The following COL16A1 variants were observed in gnomAD, a reference collection of about 807,000 sequenced individuals.
The protein encoded by COL16A1 is collagen type XVI alpha 1 chain.
Under a neutral mutation model 266.3 loss-of-function variants are expected in COL16A1, and 189 were observed. The observed-to-expected ratio is 0.71, with a 90% confidence interval of 0.63 to 0.80. The LOEUF (loss-of-function observed/expected upper bound fraction) is 0.80, where lower values mean the gene tolerates loss of function less well. Among genes scored for constraint, COL16A1 ranks in the 30% least tolerant of loss-of-function variants. COL16A1 has a pLI of 0.00. For synonymous variants in COL16A1, 740 were observed against 782.3 expected, an observed-to-expected ratio of 0.95 and a Z score of 0.90; for missense variants, 1,928 against 2,122.4, an observed-to-expected ratio of 0.91 and a Z score of 1.80.
At chr1:31,671,555 C>CT in intron 48 of COL16A1, 60 bp downstream of exon 48, 1 of 1,608,490 alleles carries the variant, frequency 6.2e-7, no homozygotes, top group Non-Finnish European at 8.5e-7. Flanking sequence ...GGGATGGTGT[C>CT]TGAGTGTAAT....
chr1:31,652,553 C>CAA lies in COL16A1; in HGVS notation c.*96_*97dup. The CAA allele has an allele frequency of 3.9e-6, 5 of 1,267,548 alleles. No individual in the cohort carries two copies. The highest frequency in any genetic ancestry group is 3.0e-5 in the Admixed American group (1 of 33,170). 78.5% of individuals were successfully genotyped at this position (1,267,548 alleles called of 1,614,324 possible). ...TATTAACAGCAATTAAAAACAACAA[C>CAA]AACAACAAAAAAAACATTCACAACC... On this transcript the variant is annotated 3_prime_UTR_variant, in exon 71 of 71. Coordinates refer to ENST00000373672, the MANE Select transcript of COL16A1 (RefSeq NM_001856.4). This position sits in a 1 kb window ranked among gnomAD's most constrained non-coding sequence, Gnocchi z 4.8.
At chr1:31,676,460 T>C (rs1570460751) in intron 42 of COL16A1, among the ~76,000 whole-genome samples, 1 of 152,118 alleles carries the variant, frequency 6.6e-6, no homozygotes, top group Non-Finnish European at 1.5e-5. Flanking sequence ...TCTAGCATCA[T>C]TCCTCAACAG....
chr1:31,688,199 A>C lies in COL16A1; in HGVS notation c.1803+268T>G, dbSNP rs1168435500. Among the ~76,000 whole-genome samples, 10 of 152,222 alleles carry C rather than the reference A, an allele frequency of 6.6e-5. 1 individual carries two copies. The highest frequency in any genetic ancestry group is 6.5e-4 in the Admixed American group (10 of 15,288). On this transcript the variant is annotated intron_variant, in intron 26 of 70. Transcript: ENST00000373672. This position sits in a 1 kb window ranked among gnomAD's most constrained non-coding sequence, Gnocchi z 4.9. ...CATAAGCAATAAAGAAGTGTTACAT[A>C]TTATAAATATAATAAGGTAATCTTG...
chr1:31,655,837 A>C, intron 66 of COL16A1: 1 of 347,210 alleles, frequency 2.9e-6, no homozygotes. Context: ...ACCAGACCTC[A>C]CTGGTGATGA....
At chr1:31,681,861 G>C (rs967568294) in intron 37 of COL16A1, among the ~76,000 whole-genome samples, 3 of 152,248 alleles carry the variant, frequency 2.0e-5, no homozygotes, top group African/African-American at 7.2e-5. Context: ...AGGAACCCTG[G>C]CTGTCCAGCT....
At position 31,660,469 on chromosome 1, in the gene COL16A1, C is replaced by G. The variant is rs11807560; in HGVS notation, c.3879+116G>C. ...AGAAGGAGTGGCCCCCGTGCTCCCA[C>G]GGCTGGGGCAGCCCCTATGGCAAGT... On this transcript the variant is annotated intron_variant, in intron 62 of 70. Transcript: ENST00000373672. 4 of 1,411,074 alleles carry G rather than the reference C, an allele frequency of 2.8e-6. No individual in the cohort carries two copies. In the South Asian group the frequency reaches 5.7e-5, roughly 20 times the overall value. 87.4% of individuals were successfully genotyped at this position (1,411,074 alleles called of 1,614,324 possible). A position where few individuals can be genotyped will look rare whatever the true frequency, so the allele number is the denominator to read the frequency against.
chr1:31,680,003 C>CT (rs781521950), intron 40 of COL16A1, 39 bp downstream of exon 40: 1 of 1,611,028 alleles, frequency 6.2e-7, no homozygotes, highest in East Asian at 2.2e-5. Flanking sequence ...AGCTGGTCCT[C>CT]TCCCCCAGTT....
Position 31,679,684 on chromosome 1 carries a change from C to A in COL16A1, c.2720G>T (p.Gly907Val), listed in dbSNP as rs1451706696. Residue 907 changes from glycine to valine, a missense_variant and splice_region_variant, in exon 42 of 71, where the codon GGT (glycine) becomes GTT (valine). Gly to Val is a moderately radical substitution (Grantham distance 109). Around this residue, in one of 2 missense-constraint regions of COL16A1, gnomAD observed 1,552 missense variants for 1,637.2 expected, o/e 0.95. Coordinates refer to ENST00000373672, the MANE Select transcript of COL16A1 (RefSeq NM_001856.4). ...MGSSWQPGPQ[G>V]PPGIPGPPGP... Reference sequence around the variant, plus strand: ...TGGTGGTCCGGGAATACCTGGTGGACCCTGAGGGAGAGAGAAAAGAGTCAG... The same window carrying A: ...TGGTGGTCCGGGAATACCTGGTGGAACCTGAGGGAGAGAGAAAAGAGTCAG... The A allele has an allele frequency of 1.9e-6, 3 of 1,614,040 alleles. No homozygotes were observed. The highest frequency in any genetic ancestry group is 2.5e-6 in the Non-Finnish European group (3 of 1,180,008).
chr1:31,675,339 TG>T (rs1643096337), intron 42 of COL16A1, 28 bp from the exon 43 acceptor site: 2 of 1,611,202 alleles, frequency 1.2e-6, no homozygotes, highest in Non-Finnish European at 1.7e-6. Context: ...CACGAGTGAG[TG>T]GGCTCCATCT....
intron 19 of COL16A1, 23 bp from the exon 20 acceptor site, chr1:31,691,249 G>T (rs375353929): frequency 1.2e-6 from 2 of 1,613,070 alleles, no homozygotes; most frequent in African/African-American, 2.7e-5. Context: ...ACAGAGTCAC[G>T]TGGAAGTTTC....
At chr1:31,686,218 G>A in intron 27 of COL16A1, 26 bp downstream of exon 27, 1 of 1,614,158 alleles carries the variant, frequency 6.2e-7, no homozygotes. Context: ...CCTCTCCCAA[G>A]CTGTTGCCAT....
Position 31,691,578 on chromosome 1 carries a change from C to T in COL16A1, c.1302+20G>A. 1 of 1,613,968 alleles carries T rather than the reference C, an allele frequency of 6.2e-7. No individual in the cohort carries two copies. Among genetic ancestry groups the T allele is most frequent in the Non-Finnish European group, 8.5e-7 (1 of 1,179,992 alleles). On this transcript the variant is annotated intron_variant, in intron 18 of 70. Transcript: ENST00000373672. ...CAGCCCTGCCACCCCATCTCCACCC[C>T]ACAAACATCCACAACTCACCTTCTG...
chr1:31,662,877 C>T, intron 56 of COL16A1: 1 of 598,926 alleles, frequency 1.7e-6, no homozygotes. Flanking sequence ...CCTTTCCTTG[C>T]TGCCCCATGA....
At position 31,668,417 on chromosome 1, in the gene COL16A1, A is replaced by AGGCGAACCCCAGCCTGGCCC. The variant is rs1056925230; in HGVS notation, c.3250-219_3250-200dup. ...CCACCACCACAGACCTGGGCTGGGG[A>AGGCGAACCCCAGCCTGGCCC]GGCGAACCCCAGCCTGGCCCAGACC... On this transcript the variant is annotated intron_variant, in intron 50 of 70. Coordinates refer to ENST00000373672, the MANE Select transcript of COL16A1 (RefSeq NM_001856.4). The surrounding 1 kb of genome is among the most constrained non-coding windows in gnomAD (Gnocchi z 5.8). 6.6e-6 allele frequency among the ~76,000 whole-genome samples: 1 copy of AGGCGAACCCCAGCCTGGCCC among 151,940 alleles called. No homozygotes were observed. The highest frequency in any genetic ancestry group is 2.4e-5 in the African/African-American group (1 of 41,344).
rs1557630599 is a variant in COL16A1 at position 31,668,556 on chromosome 1, CGCTGCTGGAGGACAGGG to C, written c.3249+229_3249+245del. ...AGGGAGGGAGGGGAGCCCCCAGGGA[CGCTGCTGGAGGACAGGG>C]GCTGTGCATGCTTCTGGCAGGGAGT... On this transcript the variant is annotated intron_variant, in intron 50 of 70. Transcript: ENST00000373672. This position sits in a 1 kb window ranked among gnomAD's most constrained non-coding sequence, Gnocchi z 5.8. Among the ~76,000 whole-genome samples, 1 of 152,110 alleles carries C rather than the reference CGCTGCTGGAGGACAGGG, an allele frequency of 6.6e-6. No homozygotes were observed. The highest frequency in any genetic ancestry group is 1.5e-5 in the Non-Finnish European group (1 of 68,000).
In COL16A1 at chr1:31,661,072, G is replaced by T. The variant is rs764511993; in HGVS notation, c.3819C>A (p.Gly1273=). The change falls in exon 61 of 71, where the codon GGC becomes GGA. Residue 1273 remains glycine (G), a synonymous_variant. Coordinates refer to ENST00000373672, the MANE Select transcript of COL16A1 (RefSeq NM_001856.4). ...PGPPGSTGRP[G]AEGEPGAMGP... is the part of the protein sequence containing the mutation. ...GTGGATCCCTGGCCCTCACCTCTGC[G>T]CCAGGCCGGCCAGTGCTGCCAGGGG... 1 of 1,564,280 alleles carries T rather than the reference G, an allele frequency of 6.4e-7. No homozygotes were observed. The highest frequency in any genetic ancestry group is 2.4e-5 in the East Asian group (1 of 42,500).
At chr1:31,681,217 T>C in intron 37 of COL16A1, 150 bp from the exon 38 acceptor site, 1 of 1,155,754 alleles carries the variant, frequency 8.7e-7, no homozygotes, top group Non-Finnish European at 1.2e-6. Context: ...AGGAGGAGAC[T>C]GAGGTGCCGG....
chr1:31,690,598 G>A (rs201137995), intron 20 of COL16A1, 25 bp from the exon 21 acceptor site: 155 of 1,612,276 alleles, frequency 9.6e-5, no homozygotes, highest in Middle Eastern at 1.7e-4. Flanking sequence ...AAGGATAAGC[G>A]GGGAGCCTTC....
At chr1:31,658,865 G>C (rs1234991427) in intron 63 of COL16A1, 49 bp downstream of exon 63, 1 of 1,543,520 alleles carries the variant, frequency 6.5e-7, no homozygotes. Flanking sequence ...CCACAGTCAA[G>C]CAGGGCAAAA....
Sources: gnomAD v4.1 joint callset for allele counts (sites outside exome capture counted in the v4.1 genomes callset) on GRCh38, gnomAD v4.1.1 for gene constraint, gnomAD v4.1.1 regional missense constraint, Gnocchi (gnomAD v3.1) non-coding constraint, MANE v1.5 for transcripts, NCBI Gene and HGNC (gene_info 2026-07-23, HGNC 2026-07-21) for gene names.